ESRRG: variants seen among roughly 807,000 people sequenced by gnomAD.
ESRRG encodes estrogen-related receptor gamma.
In ESRRG, 13 loss-of-function variants were observed where a neutral mutation model predicts 44.0. The observed-to-expected ratio is 0.30, with a 90% CI of 0.19 to 0.47. The LOEUF (loss-of-function observed/expected upper bound fraction) is 0.47, where lower values mean the gene tolerates loss of function less well. Ranked by LOEUF, ESRRG falls within the 20% of genes least tolerant of loss-of-function variation. The probability of loss-of-function intolerance (pLI) is 1.00; values close to 1 mark genes in which losing one functional copy is unlikely to be tolerated. For synonymous variants in ESRRG, 215 were observed against 214.6 expected, an observed-to-expected ratio of 1.00 and a Z score of -0.02; for missense variants, 395 against 580.6, an observed-to-expected ratio of 0.68 and a Z score of 3.29.
chr1:216,896,691 A>G (rs1213844087), intron 2 of ESRRG, among the ~76,000 whole-genome samples: 1 of 152,176 alleles, frequency 6.6e-6, no homozygotes, highest in Non-Finnish European at 1.5e-5. Context: ...CTGCACTTTC[A>G]TGGTTGATTA....
At chr1:216,668,199 G>A (rs2074386550) in intron 2 of ESRRG, among the ~76,000 whole-genome samples, 1 of 152,170 alleles carries the variant, frequency 6.6e-6, no homozygotes, top group Admixed American at 6.5e-5. Flanking sequence ...AGAGACAGTA[G>A]GAAAGAAGGT....
intron 1 of ESRRG, among the ~76,000 whole-genome samples, chr1:216,961,369 C>G (rs1020715814): frequency 1.3e-5 from 2 of 151,972 alleles, no homozygotes; most frequent in African/African-American, 4.8e-5. Context: ...GCAAAAATTA[C>G]CAACCATAAA....
chr1:216,790,135 TAA>T (rs1176765222), intron 2 of ESRRG, among the ~76,000 whole-genome samples: 5 of 152,186 alleles, frequency 3.3e-5, no homozygotes, highest in Non-Finnish European at 7.4e-5. Context: ...CTGGATCTCC[TAA>T]ATAACTGTGA....
intron 2 of ESRRG, among the ~76,000 whole-genome samples, chr1:216,926,657 A>C (rs1284153983): frequency 6.6e-6 from 1 of 152,220 alleles, no homozygotes; most frequent in Non-Finnish European, 1.5e-5. Context: ...GGGACATTGC[A>C]CTTGCAGCCA....
intron 1 of ESRRG, among the ~76,000 whole-genome samples, chr1:217,018,907 C>A (rs2079858135): frequency 1.3e-5 from 2 of 152,154 alleles, no homozygotes; most frequent in Admixed American, 1.3e-4. Flanking sequence ...CTCCTCTTCC[C>A]AGACTCTTAA....
chr1:217,086,036 T>C (rs2092068650), intron 1 of ESRRG, among the ~76,000 whole-genome samples: 2 of 152,206 alleles, frequency 1.3e-5, no homozygotes, highest in African/African-American at 4.8e-5. Context: ...CGGTACATTA[T>C]TTTGACTTTA....
At chr1:216,798,708 A>T (rs897798631) in intron 2 of ESRRG, among the ~76,000 whole-genome samples, 11 of 152,148 alleles carry the variant, frequency 7.2e-5, no homozygotes, top group Non-Finnish European at 1.6e-4. Context: ...GATTGTGGTG[A>T]TAGAGAAAAT....
chr1:216,766,929 T>C (rs1176697328), intron 2 of ESRRG, among the ~76,000 whole-genome samples: 2 of 152,166 alleles, frequency 1.3e-5, no homozygotes, highest in Non-Finnish European at 2.9e-5. Flanking sequence ...TATTACATAA[T>C]CTTTTTCTGA....
At chr1:216,602,367 G>A (rs937231456) in intron 3 of ESRRG, among the ~76,000 whole-genome samples, 1 of 152,110 alleles carries the variant, frequency 6.6e-6, no homozygotes, top group Non-Finnish European at 1.5e-5. Flanking sequence ...AACATAATGC[G>A]AAAAATAAAA....
intron 2 of ESRRG, among the ~76,000 whole-genome samples, chr1:216,932,805 C>A (rs1347023569): frequency 7.1e-6 from 1 of 141,518 alleles, no homozygotes; most frequent in East Asian, 2.2e-4. Flanking sequence ...TGGCCTCAAG[C>A]AATCCTCCCA....
chr1:216,973,480 T>C (rs950391797), intron 1 of ESRRG, among the ~76,000 whole-genome samples: 2 of 152,196 alleles, frequency 1.3e-5, no homozygotes, highest in Non-Finnish European at 2.9e-5. Flanking sequence ...GTCGCTGCTG[T>C]TGCCCCAGGG....
At chr1:217,018,792 T>C in intron 1 of ESRRG, among the ~76,000 whole-genome samples, 1 of 152,284 alleles carries the variant, frequency 6.6e-6, no homozygotes, top group African/African-American at 2.4e-5. Flanking sequence ...CTTTCCACAT[T>C]TCTTCTAACA....
chr1:217,106,392 GCACACA>G (rs3075354), intron 1 of ESRRG, among the ~76,000 whole-genome samples: 11 of 82,362 alleles, frequency 1.3e-4, no homozygotes, highest in African/African-American at 5.6e-4. Flanking sequence ...ACTCACATAT[GCACACA>G]CACACACACA....
At chr1:216,828,472 C>A (rs541020993) in intron 2 of ESRRG, among the ~76,000 whole-genome samples, 30 of 152,218 alleles carry the variant, frequency 2.0e-4, no homozygotes, top group African/African-American at 7.2e-4. Context: ...GCTCCTGTAT[C>A]AGAGGGCTCT....
intron 6 of ESRRG, 130 bp downstream of exon 6, chr1:216,519,022 A>T: frequency 1.4e-6 from 1 of 709,194 alleles, no homozygotes; most frequent in Non-Finnish European, 2.4e-6. Flanking sequence ...AGAAAGCTAT[A>T]CTGATTATAA....
At chr1:216,531,515 C>G (rs1452644173) in intron 5 of ESRRG, among the ~76,000 whole-genome samples, 2 of 152,034 alleles carry the variant, frequency 1.3e-5, no homozygotes, top group African/African-American at 4.8e-5. Context: ...CCTCTCAGCC[C>G]TCCCTTCTTC....
Position 216,721,789 on chromosome 1 carries a change from T to C in ESRRG, c.56+1455A>G, listed in dbSNP as rs557406731. Among the ~76,000 whole-genome samples, 9 of 152,366 alleles carry C rather than the reference T, an allele frequency of 5.9e-5. No homozygotes were observed. The South Asian group carries it at 1.9e-3, about 32-fold the overall frequency. On this transcript the variant is annotated intron_variant, in intron 1 of 6. Coordinates refer to ENST00000408911, the MANE Select transcript of ESRRG (RefSeq NM_001438.4). ...AACTCTCCAATTCTACAGCCCGAAG[T>C]ACACTAACCTTCAAACTACACTTGA...
Position 216,615,888 on chromosome 1 carries a change from A to C in ESRRG, c.589+35085T>G, listed in dbSNP as rs180764460. 1.1e-3 allele frequency among the ~76,000 whole-genome samples: 161 copies of C among 151,980 alleles called. 1 individual carries two copies. The highest frequency in any genetic ancestry group is 3.7e-3 in the African/African-American group (153 of 41,480). On this transcript the variant is annotated intron_variant, in intron 3 of 6. Coordinates refer to ENST00000408911, the MANE Select transcript of ESRRG (RefSeq NM_001438.4). Reference sequence around the variant, plus strand: ...TTTAGTAGAGACAGGGTTTCTCCATATGGGTCAGGCTGGTCTCAGACTCCC... The same window carrying C: ...TTTAGTAGAGACAGGGTTTCTCCATCTGGGTCAGGCTGGTCTCAGACTCCC...
At chr1:217,011,885 TA>T (rs1487800814) in intron 1 of ESRRG, among the ~76,000 whole-genome samples, 1 of 152,168 alleles carries the variant, frequency 6.6e-6, no homozygotes, top group Non-Finnish European at 1.5e-5. Flanking sequence ...CTTATCTCTT[TA>T]GCCCCGAGTT....
Sources: gnomAD v4.1 joint callset for allele counts (sites outside exome capture counted in the v4.1 genomes callset) on GRCh38, gnomAD v4.1.1 for gene constraint, MANE v1.5 for transcripts, NCBI Gene and HGNC (gene_info 2026-07-23, HGNC 2026-07-21) for gene names.